ZNF540: variants seen among roughly 807,000 people sequenced by gnomAD.
ZNF540 encodes zinc finger protein 540.
ZNF540 carries 3 observed loss-of-function variants against 11.8 expected under a neutral mutation model. The observed-to-expected ratio is 0.25, with a 90% confidence interval of 0.12 to 0.65. The LOEUF (loss-of-function observed/expected upper bound fraction) is 0.65. ZNF540 is among the 30% of genes least tolerant of loss of function. ZNF540 has a pLI of 0.83. For missense variants in ZNF540, 709 were observed against 793.1 expected (o/e 0.89, Z 1.27); for synonymous variants, 247 against 259.0 (o/e 0.95, Z 0.45).
At chr19:37,607,592 C>G (rs547335131) in intron 4 of ZNF540, among the ~76,000 whole-genome samples, 12 of 152,252 alleles carry the variant, frequency 7.9e-5, no homozygotes, top group Non-Finnish European at 1.8e-4. Context: ...TCAGATTGGT[C>G]TCTTTCACTT....
At chr19:37,588,037 T>C (rs1336339323) in intron 1 of ZNF540, among the ~76,000 whole-genome samples, 3 of 128,994 alleles carry the variant, frequency 2.3e-5, no homozygotes, top group African/African-American at 9.2e-5. Flanking sequence ...GAGGTGGAGG[T>C]TGCAGTGACC....
At chr19:37,558,135 C>T (rs2042680370) in intron 1 of ZNF540, among the ~76,000 whole-genome samples, 2 of 152,174 alleles carry the variant, frequency 1.3e-5, no homozygotes, top group Non-Finnish European at 2.9e-5. Flanking sequence ...TCCAAATTAA[C>T]GGGCCATTTC....
rs1169049759 is a variant in ZNF540 at position 37,604,295 on chromosome 19, A to C, written c.232+3190A>C. Among the ~76,000 whole-genome samples the C allele has an allele frequency of 1.2e-4, 4 of 33,906 alleles. No individual in the cohort carries two copies. The South Asian group carries it at 3.9e-3, about 33-fold the overall frequency. The allele number at this position is 33,906 out of a possible 152,430, so 22.2% of individuals were successfully genotyped here. The stretch of plus-strand genomic sequence containing the variant: ...ACATAGAGCTTTGGAAAATAGCCTT[A>C]CTTTTTTTTTTTTTTTTTTTTTTTT... On this transcript the variant is annotated intron_variant, in intron 4 of 4. Transcript: ENST00000316433.
chr19:37,594,848 G>A (rs1400907167), upstream of ZNF540: 1 of 152,172 alleles, frequency 6.6e-6, no homozygotes, highest in Non-Finnish European at 1.5e-5. Flanking sequence ...ACTGGAAACC[G>A]GCCGGATCGT....
chr19:37,560,570 C>T (rs2042705892), intron 1 of ZNF540: 1 of 151,984 alleles, frequency 6.6e-6, no homozygotes, highest in South Asian at 2.1e-4. Context: ...GGGGTTCCAC[C>T]ATATCGGCCA....
intron 1 of ZNF540, among the ~76,000 whole-genome samples, chr19:37,574,795 T>C (rs79231790): frequency 0.014 from 2,080 of 152,314 alleles, 39 homozygotes; most frequent in African/African-American, 0.046. Flanking sequence ...TATCTCACTT[T>C]TACTGGCTAT....
intron 4 of ZNF540, chr19:37,611,291 T>G (rs2044126282): frequency 3.2e-6 from 1 of 314,856 alleles, no homozygotes. Context: ...CCTTCCAAAG[T>G]GCTGAGATTA....
rs2044150738 is a variant in ZNF540 at position 37,613,686 on chromosome 19, T to C, written c.*423T>C. 1 of 397,502 alleles carries C rather than the reference T, an allele frequency of 2.5e-6. No individual in the cohort carries two copies. Among genetic ancestry groups the C allele is most frequent in the South Asian group, 1.4e-4 (1 of 7,272 alleles). 24.6% of individuals were successfully genotyped at this position (397,502 alleles called of 1,614,324 possible). ...GTTTTTATTATCATCAACATTATTA[T>C]TAGTGGATTTCTTAATAGGAAGATG... is the stretch of plus-strand genomic sequence containing the variant. On this transcript the variant is annotated 3_prime_UTR_variant, in exon 5 of 5. Transcript: ENST00000316433.
intron 2 of ZNF540, 75 bp from the exon 3 acceptor site, chr19:37,599,551 C>T: frequency 6.3e-7 from 1 of 1,591,068 alleles, no homozygotes; most frequent in East Asian, 2.2e-5. Flanking sequence ...GCAATGAAAC[C>T]TTTTATCTCC....
chr19:37,560,772 CTG>C (rs950589956), intron 1 of ZNF540: 2 of 152,148 alleles, frequency 1.3e-5, no homozygotes, highest in Non-Finnish European at 2.9e-5. Context: ...CCACTTTTGT[CTG>C]TCTTAGTAAT....
intron 1 of ZNF540, among the ~76,000 whole-genome samples, chr19:37,576,598 ACAGCATAAAACATGTTTTTAACAAAACT>A (rs1452741556): frequency 1.3e-5 from 2 of 152,316 alleles, no homozygotes; most frequent in East Asian, 1.9e-4. Flanking sequence ...AATTAACAAA[ACAGCATAAAACATGTTTTTAACAAAACT>A]CAGCATAAAA....
In ZNF540 at chr19:37,612,647, AACATCAGAG is replaced by A; in HGVS notation, c.1370_1378del (p.His457_Arg459del). ...TTTATGCTTCGTTCAGTCCTTACTG[AACATCAGAG>A]ACTTCATACTGGTGTGAAGCCCTAC... On this transcript the variant is annotated inframe_deletion, in exon 5 of 5. Coordinates refer to ENST00000316433, the MANE Select transcript of ZNF540 (RefSeq NM_001172225.3). The A allele has an allele frequency of 6.2e-7, 1 of 1,614,040 alleles. No homozygotes were observed. Among genetic ancestry groups the A allele is most frequent in the Non-Finnish European group, 8.5e-7 (1 of 1,179,964 alleles).
chr19:37,586,568 T>A, intron 1 of ZNF540: 1 of 1,438,074 alleles, frequency 7.0e-7, no homozygotes, highest in Non-Finnish European at 9.7e-7. Context: ...AGCAGTTCCC[T>A]TAAGGAACCA....
In ZNF540 at chr19:37,553,113, CTTTTTTTTTTTTTTTTTTTTTT is replaced by C. The variant is rs746114598; in HGVS notation, c.-73+1465_-73+1486del. On this transcript the variant is annotated intron_variant, in intron 1 of 4. Transcript: ENST00000592533. ...AATCTTTTTTTATATAACCTAACAT[CTTTTTTTTTTTTTTTTTTTTTT>C]TTTTTTTTTTTTTTTTGGAGACAGT... Among the ~76,000 whole-genome samples the C allele has an allele frequency of 1.6e-3, 52 of 33,128 alleles. 3 individuals are homozygous for C. In the South Asian group the frequency reaches 0.046, roughly 29 times the overall value. The allele number at this position is 33,128 out of a possible 152,430, so 21.7% of individuals were successfully genotyped here. A position where few individuals can be genotyped will look rare whatever the true frequency, so the allele number is the denominator to read the frequency against.
At position 37,565,376 on chromosome 19, in the gene ZNF540, T is replaced by C. The variant is rs371887751; in HGVS notation, c.-73+13711T>C. ...TCCTGTATGAATTCTCTGATGTTCA[T>C]TCAGTTGGGAGGCACATAAAAAGGC... On this transcript the variant is annotated intron_variant, in intron 1 of 4. Transcript: ENST00000592533. 35 of 1,613,254 alleles carry C rather than the reference T, an allele frequency of 2.2e-5. 1 individual carries two copies. In the Admixed American group the frequency reaches 3.0e-4, roughly 14 times the overall value.
intron 1 of ZNF540, among the ~76,000 whole-genome samples, chr19:37,589,549 C>A (rs2043802250): frequency 1.3e-5 from 2 of 151,812 alleles, no homozygotes; most frequent in African/African-American, 4.8e-5. Flanking sequence ...AAGAGAAATT[C>A]AAATTGAAAC....
chr19:37,566,046 A>G, intron 1 of ZNF540: 1 of 1,614,092 alleles, frequency 6.2e-7, no homozygotes, highest in Non-Finnish European at 8.5e-7. Flanking sequence ...ATCCGATGAA[A>G]AGTAGAAGAG....
intron 1 of ZNF540, among the ~76,000 whole-genome samples, chr19:37,557,731 A>C (rs1288771583): frequency 6.6e-6 from 1 of 152,192 alleles, no homozygotes; most frequent in Non-Finnish European, 1.5e-5. Flanking sequence ...CAGTTTACTG[A>C]TCTAACAGTA....
intron 1 of ZNF540, chr19:37,566,366 G>T: frequency 6.8e-7 from 1 of 1,473,430 alleles, no homozygotes; most frequent in Non-Finnish European, 9.1e-7. Flanking sequence ...AAAAATGATA[G>T]ATGAAAATAA....
Sources: allele counts gnomAD v4.1 joint callset (sites outside exome capture counted in the v4.1 genomes callset), GRCh38; gene constraint gnomAD v4.1.1; transcripts MANE v1.5; gene names NCBI Gene and HGNC (gene_info 2026-07-23, HGNC 2026-07-21).